The following ADCY10 variants were observed in gnomAD, a reference collection of about 807,000 sequenced individuals.
ADCY10 encodes the protein adenylate cyclase type 10.
ADCY10 carries 156 observed loss-of-function variants against 183.3 expected under a neutral mutation model. The ratio of observed to expected loss-of-function variants is 0.85; its 90% CI spans 0.75 to 0.97. The LOEUF (loss-of-function observed/expected upper bound fraction) is 0.97. ADCY10 is among the 50% of genes least tolerant of loss of function. The probability of loss-of-function intolerance (pLI) is 0.00; values close to 1 mark genes in which losing one functional copy is unlikely to be tolerated. For missense variants in ADCY10, 1,745 were observed against 1,934.3 expected (o/e 0.90, Z 1.84); for synonymous variants, 645 against 670.0 (o/e 0.96, Z 0.58).
chr1:167,854,340 C>G lies in ADCY10; in HGVS notation c.2308+13G>C. ...AGAACAGAGTAAGAAAGAACCATCA[C>G]CGCAGGACTTACTGAACAGGTTATT... On this transcript the variant is annotated intron_variant, in intron 18 of 32. Coordinates refer to ENST00000367851, the MANE Select transcript of ADCY10 (RefSeq NM_018417.6). 2 of 1,614,138 alleles carry G rather than the reference C, an allele frequency of 1.2e-6. No homozygotes were observed. Among genetic ancestry groups the G allele is most frequent in the South Asian group, 2.2e-5 (2 of 91,070 alleles).
intron 5 of ADCY10, among the ~76,000 whole-genome samples, chr1:167,901,090 G>A (rs1669389839): frequency 6.6e-6 from 1 of 152,160 alleles, no homozygotes; most frequent in Admixed American, 6.5e-5. Flanking sequence ...GTCATATAGT[G>A]TGCGTAATGT....
intron 7 of ADCY10, 53 bp downstream of exon 7, chr1:167,896,542 A>C (rs1159099555): frequency 7.2e-7 from 1 of 1,382,188 alleles, no homozygotes; most frequent in Admixed American, 1.7e-5. Flanking sequence ...TTGATATAAG[A>C]CCCTACTGAC....
intron 8 of ADCY10, among the ~76,000 whole-genome samples, chr1:167,892,861 A>C (rs1379436184): frequency 6.6e-6 from 1 of 152,208 alleles, no homozygotes; most frequent in Non-Finnish European, 1.5e-5. Context: ...TGTAGAAGTC[A>C]GATAGACCAG....
At chr1:167,824,994 G>T (rs1485290274) in intron 26 of ADCY10, 139 bp from the exon 27 acceptor site, 1 of 865,436 alleles carries the variant, frequency 1.2e-6, no homozygotes, top group Non-Finnish European at 1.9e-6. Context: ...CATGGGCTTA[G>T]AAATAGAAAT....
intron 11 of ADCY10, among the ~76,000 whole-genome samples, chr1:167,879,534 C>T (rs1044344098): frequency 3.9e-5 from 6 of 152,160 alleles, no homozygotes; most frequent in African/African-American, 4.8e-5. Flanking sequence ...AATCCTGCCC[C>T]ATCCTCACCC....
chr1:167,901,883 T>G, intron 4 of ADCY10, 78 bp from the exon 5 acceptor site: 1 of 1,601,584 alleles, frequency 6.2e-7, no homozygotes, highest in South Asian at 1.1e-5. Context: ...GTATAGAAAC[T>G]TACTCATCAA....
At chr1:167,823,750 A>T (rs1663078357) in intron 28 of ADCY10, among the ~76,000 whole-genome samples, 1 of 152,204 alleles carries the variant, frequency 6.6e-6, no homozygotes, top group Non-Finnish European at 1.5e-5. Flanking sequence ...CCTATCCAGG[A>T]CTAAAACCTC....
At chr1:167,886,563 A>G (rs1234178556) in intron 8 of ADCY10, among the ~76,000 whole-genome samples, 1 of 152,222 alleles carries the variant, frequency 6.6e-6, no homozygotes, top group Non-Finnish European at 1.5e-5. Flanking sequence ...TGGATTAAAG[A>G]CTTAAATGTT....
chr1:167,856,486 G>GT (rs1553269139), intron 16 of ADCY10, 47 bp from the exon 17 acceptor site: 9 of 1,605,772 alleles, frequency 5.6e-6, no homozygotes, highest in South Asian at 4.4e-5. Context: ...AGGACGTCAG[G>GT]TTTTTTTACA....
At chr1:167,907,496 C>T (rs1408099282) in intron 1 of ADCY10, among the ~76,000 whole-genome samples, 2 of 152,148 alleles carry the variant, frequency 1.3e-5, no homozygotes, top group African/African-American at 2.4e-5. Context: ...GTGGAGTATA[C>T]TCATTCTACT....
chr1:167,873,000 G>A (rs952291496), intron 13 of ADCY10, among the ~76,000 whole-genome samples: 4 of 151,786 alleles, frequency 2.6e-5, no homozygotes, highest in Non-Finnish European at 4.4e-5. Flanking sequence ...AACCCGGGAC[G>A]CAGAGGTTGT....
rs112911097 is a variant in ADCY10 at position 167,809,689 on chromosome 1, T to C, written c.4822A>G (p.Asn1608Asp). The change falls in exon 33 of 33, where the codon AAT becomes GAT. Residue 1608 changes from asparagine (N) to aspartate (D), a missense_variant. Physicochemically the swap from Asn to Asp is conservative, Grantham distance 23 (BLOSUM62 1). Transcript: ENST00000367851. The stretch of plus-strand genomic sequence containing the variant: ...TTTTCTTTGACATGTTAGAAATGAT[T>C]GTCCACGGTATTAGCTCTCATCAGG... Reference protein sequence around the residue: ...KFLMRANTVDNHF With the variant: ...KFLMRANTVDDHF The C allele has an allele frequency of 1.1e-4, 176 of 1,614,164 alleles. 2 individuals carry two copies. In the African/African-American group the frequency reaches 1.8e-3, roughly 17 times the overall value.
chr1:167,833,151 A>G lies in ADCY10; in HGVS notation c.3429T>C (p.Asn1143=), dbSNP rs149920420. 104 of 1,614,148 alleles carry G rather than the reference A, an allele frequency of 6.4e-5. 1 individual carries two copies. The African/African-American group carries it at 1.2e-3, about 19-fold the overall frequency. The change falls in exon 25 of 33, where the codon AAT becomes AAC. Residue 1143 remains asparagine, a synonymous_variant. Transcript: ENST00000367851. The part of the protein sequence containing the change: ...FYSLKGEVCF[N]MGQIVLAKKM... ...TCTTGGCAAGCACTATCTGGCCCAT[A>G]TTGAAACAGACCTACAGGGAGGTGG...
At chr1:167,833,614 G>C (rs1558161563) in intron 24 of ADCY10, among the ~76,000 whole-genome samples, 1 of 151,964 alleles carries the variant, frequency 6.6e-6, no homozygotes. Context: ...GCGTGGTGGC[G>C]CATGCCTGTA....
chr1:167,909,785 C>T (rs1670035726), intron 1 of ADCY10, among the ~76,000 whole-genome samples: 1 of 152,172 alleles, frequency 6.6e-6, no homozygotes, highest in Non-Finnish European at 1.5e-5. Context: ...CTTATTTTGT[C>T]AGGCTTTTCA....
Position 167,883,646 on chromosome 1 carries a change from G to A in ADCY10, c.829-18C>T, listed in dbSNP as rs1296384874. ...TTATCAATCTGCAAAGTAGAGAGCA[G>A]CTTTCTGTAGGTGTCCTTGGCAGTG... On this transcript the variant is annotated intron_variant, in intron 8 of 32. Transcript: ENST00000367851. The A allele has an allele frequency of 1.2e-6, 2 of 1,613,814 alleles. No individual in the cohort carries two copies. Among genetic ancestry groups the A allele is most frequent in the East Asian group, 2.2e-5 (1 of 44,894 alleles).
At chr1:167,821,928 A>G in intron 30 of ADCY10, 96 bp downstream of exon 30, 1 of 876,516 alleles carries the variant, frequency 1.1e-6, no homozygotes, top group South Asian at 1.4e-5. Context: ...TCTCAGGTAT[A>G]AATTATGAAT....
chr1:167,868,147 G>A (rs1450937350), intron 14 of ADCY10, among the ~76,000 whole-genome samples: 4 of 152,276 alleles, frequency 2.6e-5, no homozygotes, highest in Admixed American at 6.5e-5. Flanking sequence ...CAGTACCAGA[G>A]ACTCCAGGAA....
intron 9 of ADCY10, among the ~76,000 whole-genome samples, chr1:167,881,157 A>G (rs1667845987): frequency 6.6e-6 from 1 of 152,234 alleles, no homozygotes; most frequent in African/African-American, 2.4e-5. Flanking sequence ...AGTACTTTGC[A>G]GATACTGTTA....
Sources: allele counts gnomAD v4.1 joint callset (sites outside exome capture counted in the v4.1 genomes callset), GRCh38; gene constraint gnomAD v4.1.1; transcripts MANE v1.5; gene names NCBI Gene and HGNC (gene_info 2026-07-23, HGNC 2026-07-21).